CTNND2: variants seen among roughly 807,000 people sequenced by gnomAD.
CTNND2 encodes the protein catenin delta-2.
Under a neutral mutation model 144.4 loss-of-function variants are expected in CTNND2, and 22 were observed. The ratio of observed to expected loss-of-function variants is 0.15; its 90% CI spans 0.11 to 0.22. CTNND2 has a LOEUF of 0.22. Ranked by LOEUF, CTNND2 falls within the 10% of genes least tolerant of loss-of-function variation. The probability of loss-of-function intolerance (pLI) is 1.00; values close to 1 mark genes in which losing one functional copy is unlikely to be tolerated. For missense variants in CTNND2, 1,353 were observed against 1,618.8 expected (o/e 0.84, Z 2.82); for synonymous variants, 751 against 695.6 (o/e 1.08, Z -1.25).
intron 11 of CTNND2, among the ~76,000 whole-genome samples, chr5:11,167,377 A>C (rs1397305040): frequency 6.6e-6 from 1 of 152,184 alleles, no homozygotes; most frequent in Non-Finnish European, 1.5e-5. Flanking sequence ...TACAAAATTT[A>C]TTTAGCCCCA....
At chr5:11,813,531 T>TTGTACAAGC (rs1792460879) in intron 1 of CTNND2, among the ~76,000 whole-genome samples, 1 of 152,234 alleles carries the variant, frequency 6.6e-6, no homozygotes, top group South Asian at 2.1e-4. Flanking sequence ...TAATTTGGTC[T>TTGTACAAGC]TGTACAAGCT....
intron 9 of CTNND2, among the ~76,000 whole-genome samples, chr5:11,296,425 C>T (rs1430408757): frequency 7.9e-5 from 12 of 152,164 alleles, no homozygotes; most frequent in African/African-American, 2.9e-4. Context: ...GTCAGTGCGG[C>T]AATTCCTCAG....
chr5:11,125,501 C>T (rs1203984365), intron 12 of CTNND2, among the ~76,000 whole-genome samples: 1 of 152,210 alleles, frequency 6.6e-6, no homozygotes, highest in Admixed American at 6.5e-5. Flanking sequence ...GTGTGGACAT[C>T]ACAGGGGATC....
chr5:11,665,210 T>C (rs941063311), intron 2 of CTNND2, among the ~76,000 whole-genome samples: 7 of 152,176 alleles, frequency 4.6e-5, no homozygotes, highest in Admixed American at 4.6e-4. Context: ...GTAGCTCTTG[T>C]ATATGTGGTG....
intron 3 of CTNND2, among the ~76,000 whole-genome samples, chr5:11,541,587 C>CG (rs775337233): frequency 1.3e-5 from 2 of 152,136 alleles, no homozygotes; most frequent in African/African-American, 2.4e-5. Flanking sequence ...TAGAGAATGA[C>CG]GAACACACTT....
At chr5:11,432,123 T>TTTA (rs200064451) in intron 3 of CTNND2, among the ~76,000 whole-genome samples, 1,518 of 105,104 alleles carry the variant, frequency 0.014, 35 homozygotes, top group African/African-American at 0.075. Flanking sequence ...GGTTGAGGCT[T>TTTA]TTTTTTTTTT....
intron 9 of CTNND2, among the ~76,000 whole-genome samples, chr5:11,317,360 A>G (rs1751618611): frequency 6.6e-6 from 1 of 152,198 alleles, no homozygotes; most frequent in African/African-American, 2.4e-5. Context: ...CTATGGCAGC[A>G]TAGTTAGCTG....
At chr5:11,671,670 A>G (rs940428058) in intron 2 of CTNND2, among the ~76,000 whole-genome samples, 1 of 151,878 alleles carries the variant, frequency 6.6e-6, no homozygotes, top group Admixed American at 6.6e-5. Flanking sequence ...TCTAGTTAGC[A>G]ATTCGTCTAA....
intron 2 of CTNND2, among the ~76,000 whole-genome samples, chr5:11,593,021 G>T (rs938306431): frequency 1.5e-4 from 22 of 151,492 alleles, no homozygotes; most frequent in African/African-American, 5.1e-4. Context: ...GCCTTCACCT[G>T]TTGAAAAAAA....
intron 2 of CTNND2, among the ~76,000 whole-genome samples, chr5:11,658,419 G>A (rs774827886): frequency 1.3e-5 from 2 of 152,012 alleles, no homozygotes; most frequent in Non-Finnish European, 2.9e-5. Context: ...TGAATAGCTC[G>A]GTGACAGTGG....
chr5:11,791,722 C>T (rs1791146113), intron 1 of CTNND2, among the ~76,000 whole-genome samples: 1 of 152,212 alleles, frequency 6.6e-6, no homozygotes, highest in Non-Finnish European at 1.5e-5. Context: ...GACATTGAGG[C>T]TCTTTCTTGC....
chr5:11,515,055 A>G (rs1424239985), intron 3 of CTNND2, among the ~76,000 whole-genome samples: 1 of 151,186 alleles, frequency 6.6e-6, no homozygotes, highest in African/African-American at 2.5e-5. Flanking sequence ...GGAATCAATC[A>G]AATTTTCTTA....
chr5:11,273,084 T>G (rs1044578463), intron 9 of CTNND2, among the ~76,000 whole-genome samples: 4 of 152,178 alleles, frequency 2.6e-5, no homozygotes, highest in Admixed American at 2.0e-4. Context: ...GTTTTTGAAT[T>G]TCATTAATAA....
At chr5:11,013,106 G>C (rs1307766455) in intron 18 of CTNND2, among the ~76,000 whole-genome samples, 1 of 152,098 alleles carries the variant, frequency 6.6e-6, no homozygotes, top group Non-Finnish European at 1.5e-5. Context: ...TTCGAGAGGT[G>C]CCTCCTTATA....
rs1425757270 is a variant in CTNND2, at chr5:11,397,152, C to T, written c.491G>A (p.Gly164Glu). The T allele has an allele frequency of 6.2e-7, 1 of 1,614,060 alleles. No homozygotes were observed. Among genetic ancestry groups the T allele is most frequent in the African/African-American group, 1.3e-5 (1 of 74,924 alleles). Residue 164 changes from glycine to glutamate, a missense_variant, in exon 6 of 22, where the codon GGG becomes GAG. By Grantham distance (98) the Gly-to-Glu change is moderately conservative. This residue lies in a region of CTNND2 where 708 missense variants were observed against 706.4 expected (regional missense o/e 1.00). Transcript: ENST00000304623. ...GTAGCTGGCCGGATACTGGAAAGAC[C>T]CTTCAGGTTTGGAATTGAGCTGAAG... ...SALQLNSKPE[G>E]SFQYPASYHS...
intron 9 of CTNND2, among the ~76,000 whole-genome samples, chr5:11,237,537 G>A (rs1410863214): frequency 6.6e-6 from 1 of 151,944 alleles, no homozygotes; most frequent in African/African-American, 2.4e-5. Flanking sequence ...GTCTTACTGT[G>A]TCACCCAGGC....
intron 12 of CTNND2, among the ~76,000 whole-genome samples, chr5:11,121,533 T>C (rs1257576321): frequency 6.6e-6 from 1 of 152,232 alleles, no homozygotes; most frequent in East Asian, 1.9e-4. Flanking sequence ...AAGTTCCTGC[T>C]AAAAGTGGAT....
intron 3 of CTNND2, among the ~76,000 whole-genome samples, chr5:11,519,987 TAA>T (rs141200599): frequency 1.4e-5 from 2 of 141,698 alleles, no homozygotes; most frequent in African/African-American, 5.1e-5. Context: ...AAAAATAGAA[TAA>T]AAAAAAAAAC....
At chr5:11,169,171 C>T (rs1048175457) in intron 11 of CTNND2, among the ~76,000 whole-genome samples, 1 of 152,162 alleles carries the variant, frequency 6.6e-6, no homozygotes, top group African/African-American at 2.4e-5. Context: ...CCTTGCAATA[C>T]CCACCTTAAA....
Sources: allele counts gnomAD v4.1 joint callset (sites outside exome capture counted in the v4.1 genomes callset), GRCh38; gene constraint gnomAD v4.1.1; regional missense constraint gnomAD v4.1.1; transcripts MANE v1.5; gene names NCBI Gene and HGNC (gene_info 2026-07-23, HGNC 2026-07-21).